The following ACKR2 variants were observed in gnomAD, a reference collection of about 807,000 sequenced individuals.
ACKR2 encodes C-C chemokine receptor D6.
For missense variants in ACKR2, 457 were observed against 477.3 expected (o/e 0.96, Z 0.40); for synonymous variants, 207 against 192.2 (o/e 1.08, Z -0.64).
chr3:42,840,208 T>C (rs886767068), intron 2 of ACKR2, among the ~76,000 whole-genome samples: 12 of 129,370 alleles, frequency 9.3e-5, no homozygotes, highest in African/African-American at 3.0e-4. Context: ...TGCAGTGAGC[T>C]GAGATCGCGC....
intron 2 of ACKR2, among the ~76,000 whole-genome samples, chr3:42,835,032 C>T (rs147434854): frequency 3.9e-5 from 6 of 152,142 alleles, no homozygotes; most frequent in East Asian, 3.9e-4. Flanking sequence ...ACTGCAGGCA[C>T]GCACCACCAC....
intron 2 of ACKR2, among the ~76,000 whole-genome samples, chr3:42,848,122 A>G: frequency 6.6e-6 from 1 of 152,024 alleles, no homozygotes; most frequent in East Asian, 1.9e-4. Flanking sequence ...AGCAAGATAA[A>G]TAATGAGAGT....
chr3:42,825,413 C>G (rs768016600), intron 2 of ACKR2, among the ~76,000 whole-genome samples: 8 of 152,142 alleles, frequency 5.3e-5, no homozygotes, highest in Non-Finnish European at 1.0e-4. Context: ...AGTGTATAGG[C>G]CTTGCACTTC....
intron 2 of ACKR2, among the ~76,000 whole-genome samples, chr3:42,848,245 G>A (rs1701118733): frequency 7.3e-6 from 1 of 137,886 alleles, no homozygotes; most frequent in Non-Finnish European, 1.5e-5. Context: ...TTGAGATGGG[G>A]TCTCCCTCTG....
Position 42,865,761 on chromosome 3 carries a change from A to G in ACKR2, c.*104A>G. ...CCTCAGTGACTGTGTTGCTAAACCC[A>G]GTGGTCAGTTCTCAGTTCTCAGCCA... On this transcript the variant is annotated 3_prime_UTR_variant, in exon 3 of 3. Transcript: ENST00000422265. The G allele has an allele frequency of 1.1e-6, 1 of 914,532 alleles. No individual in the cohort carries two copies. The highest frequency in any genetic ancestry group is 2.6e-5 in the East Asian group (1 of 38,212). The allele number at this position is 914,532 out of a possible 1,614,324, so 56.7% of individuals were successfully genotyped here. A position where few individuals can be genotyped will look rare whatever the true frequency, so the allele number is the denominator to read the frequency against.
intron 2 of ACKR2, among the ~76,000 whole-genome samples, chr3:42,863,247 GA>G (rs1012230791): frequency 7.3e-5 from 11 of 151,708 alleles, no homozygotes; most frequent in Admixed American, 2.0e-4. Context: ...ACAAACATAT[GA>G]AAAAAAAGCT....
rs73829297 is a variant in ACKR2, at chr3:42,849,834, C to T, written c.-37-14632C>T. Among the ~76,000 whole-genome samples the T allele has an allele frequency of 9.9e-3, 1,500 of 152,112 alleles. 27 individuals carry two copies. Among genetic ancestry groups the T allele is most frequent in the South Asian group, 0.079 (381 of 4,804 alleles). ...TTCATTATGTGTGGAGAAATCTTTA[C>T]GCCAAATTTAAAATATGTAAGTTTT... On this transcript the variant is annotated intron_variant, in intron 2 of 2. Transcript: ENST00000422265.
intron 2 of ACKR2, among the ~76,000 whole-genome samples, chr3:42,860,189 A>AAAAAAAAAAAAAAAATAAAAAC (rs376833790): frequency 9.0e-6 from 1 of 111,520 alleles, no homozygotes; most frequent in Non-Finnish European, 1.9e-5. Flanking sequence ...AAAAAAAAAA[A>AAAAAAAAAAAAAAAATAAAAAC]GCAGGGGATG....
At chr3:42,821,373 C>T (rs189916264) in intron 2 of ACKR2, among the ~76,000 whole-genome samples, 2 of 152,330 alleles carry the variant, frequency 1.3e-5, no homozygotes, top group Admixed American at 1.3e-4. Flanking sequence ...AATACGCCAA[C>T]AGCACACGCA....
At chr3:42,831,663 G>A (rs1003181467) in intron 2 of ACKR2, among the ~76,000 whole-genome samples, 11 of 152,270 alleles carry the variant, frequency 7.2e-5, no homozygotes, top group African/African-American at 2.4e-4. Flanking sequence ...CCTAGCTTTG[G>A]GGCAGGGCTC....
intron 1 of ACKR2, among the ~76,000 whole-genome samples, chr3:42,810,805 T>G (rs569141018): frequency 2.5e-4 from 38 of 152,354 alleles, no homozygotes; most frequent in African/African-American, 8.9e-4. Context: ...AAAAATCCTT[T>G]GTTCGAGTGT....
At chr3:42,828,092 A>ATATATATATAT (rs1193533555) in intron 2 of ACKR2, among the ~76,000 whole-genome samples, 156 of 121,886 alleles carry the variant, frequency 1.3e-3, no homozygotes, top group Non-Finnish European at 2.0e-3. Context: ...ATATATATAT[A>ATATATATATAT]TTTTTTTTTT....
At chr3:42,860,391 A>G (rs1265556965) in intron 2 of ACKR2, among the ~76,000 whole-genome samples, 1 of 152,108 alleles carries the variant, frequency 6.6e-6, no homozygotes, top group East Asian at 1.9e-4. Flanking sequence ...TTAGACTCCC[A>G]CACAATAATG....
chr3:42,826,959 T>C (rs1428885067), intron 2 of ACKR2, among the ~76,000 whole-genome samples: 1 of 152,226 alleles, frequency 6.6e-6, no homozygotes, highest in Non-Finnish European at 1.5e-5. Flanking sequence ...ATCTCCCTTG[T>C]GATTTCTTCT....
chr3:42,864,554 G>A lies in ACKR2; in HGVS notation c.52G>A (p.Glu18Lys). 6.2e-7 allele frequency: 1 copy of A among 1,613,196 alleles called. No homozygotes were observed. The highest frequency in any genetic ancestry group is 1.1e-5 in the South Asian group (1 of 90,942). ...QPLATEDADS[E>K]NSSFYYYDYL... Reference sequence around the variant, plus strand: ...ACTCGCCACTGAGGATGCCGATTCTGAGAATAGCAGCTTCTATTACTATGA... The same window carrying A: ...ACTCGCCACTGAGGATGCCGATTCTAAGAATAGCAGCTTCTATTACTATGA... Residue 18 changes from glutamate to lysine, a missense_variant, in exon 3 of 3, where the codon GAG becomes AAG. Coordinates refer to ENST00000422265, the MANE Select transcript of ACKR2 (RefSeq NM_001296.5).
intron 2 of ACKR2, among the ~76,000 whole-genome samples, chr3:42,861,762 A>G (rs1265266775): frequency 1.3e-5 from 2 of 152,170 alleles, no homozygotes; most frequent in African/African-American, 4.8e-5. Context: ...AATGACAAAA[A>G]CCACATTATT....
chr3:42,845,946 A>G (rs1701090876), intron 2 of ACKR2, among the ~76,000 whole-genome samples: 1 of 151,964 alleles, frequency 6.6e-6, no homozygotes, highest in African/African-American at 2.4e-5. Context: ...AGAGGGGAAA[A>G]TATCTGATTC....
chr3:42,865,163 C>T lies in ACKR2; in HGVS notation c.661C>T (p.Leu221Phe). The change falls in exon 3 of 3, where the codon CTT (leucine) becomes TTT (phenylalanine). Residue 221 changes from leucine (L) to phenylalanine (F), a missense_variant. By Grantham distance (22) the Leu-to-Phe change is conservative. Coordinates refer to ENST00000422265, the MANE Select transcript of ACKR2 (RefSeq NM_001296.5). The part of the protein sequence containing the change: ...RFQQNLLGFL[L>F]PLLAMIFFYS... Reference sequence around the variant, plus strand: ...CCAGCAGAACCTCCTAGGGTTTCTCCTTCCACTCCTTGCCATGATCTTCTT... The same window carrying T: ...CCAGCAGAACCTCCTAGGGTTTCTCTTTCCACTCCTTGCCATGATCTTCTT... 6.2e-7 allele frequency: 1 copy of T among 1,614,174 alleles called. No homozygotes were observed. Among genetic ancestry groups the T allele is most frequent in the Admixed American group, 1.7e-5 (1 of 60,024 alleles).
chr3:42,835,309 G>A (rs1236572504), intron 2 of ACKR2: 3 of 151,852 alleles, frequency 2.0e-5, no homozygotes, highest in Non-Finnish European at 4.4e-5. Context: ...CTTATTTGCT[G>A]TGTGGTGTTG....
Sources: gnomAD v4.1 joint callset for allele counts (sites outside exome capture counted in the v4.1 genomes callset) on GRCh38, gnomAD v4.1.1 for gene constraint, MANE v1.5 for transcripts, NCBI Gene and HGNC (gene_info 2026-07-23, HGNC 2026-07-21) for gene names.